The following DNM3 variants were observed in gnomAD, a reference collection of about 807,000 sequenced individuals.
The protein encoded by DNM3 is dynamin-3.
Under a neutral mutation model 101.6 loss-of-function variants are expected in DNM3, and 47 were observed. That is an observed-to-expected ratio of 0.46 (90% CI 0.37 to 0.59). The LOEUF is 0.59. Ranked by LOEUF, DNM3 falls within the 20% of genes least tolerant of loss-of-function variation. The probability of loss-of-function intolerance (pLI) is 0.00; values close to 1 mark genes in which losing one functional copy is unlikely to be tolerated. For synonymous variants in DNM3, 385 were observed against 387.9 expected (o/e 0.99, Z 0.09); for missense variants, 849 against 1,085.7 (o/e 0.78, Z 3.06).
At chr1:172,177,357 A>G (rs1371166922) in intron 14 of DNM3, among the ~76,000 whole-genome samples, 1 of 151,836 alleles carries the variant, frequency 6.6e-6, no homozygotes, top group Non-Finnish European at 1.5e-5. Context: ...TCAATCTCTT[A>G]CAGTGCCTAA....
At chr1:172,416,741 T>A (rs1387729063), downstream of DNM3, among the ~76,000 whole-genome samples, 1 of 152,134 alleles carries the variant, frequency 6.6e-6, no homozygotes, top group Non-Finnish European at 1.5e-5. Flanking sequence ...TCTGGGCAGG[T>A]GATAAATCTC....
At chr1:172,237,241 A>T (rs1197320044) in intron 14 of DNM3, among the ~76,000 whole-genome samples, 1 of 152,112 alleles carries the variant, frequency 6.6e-6, no homozygotes, top group Admixed American at 6.6e-5. Flanking sequence ...TTGTTCTCAT[A>T]AAGTTAGGTT....
At chr1:172,346,827 C>T (rs1489448987) in intron 17 of DNM3, among the ~76,000 whole-genome samples, 1 of 152,168 alleles carries the variant, frequency 6.6e-6, no homozygotes, top group Non-Finnish European at 1.5e-5. Flanking sequence ...GTGCCTCCAT[C>T]ATGGTGGCCA....
chr1:172,128,099 A>G (rs2056742526), intron 13 of DNM3, among the ~76,000 whole-genome samples: 1 of 152,158 alleles, frequency 6.6e-6, no homozygotes, highest in African/African-American at 2.4e-5. Context: ...TGTTTCTCTG[A>G]CATTCCTTTA....
intron 1 of DNM3, among the ~76,000 whole-genome samples, chr1:171,861,901 C>T (rs971060008): frequency 4.6e-5 from 7 of 152,174 alleles, no homozygotes; most frequent in African/African-American, 1.7e-4. Flanking sequence ...AATAAAAAGA[C>T]AAATAACCCA....
intron 2 of DNM3, among the ~76,000 whole-genome samples, chr1:171,982,433 T>G (rs2044873668): frequency 6.6e-6 from 1 of 152,106 alleles, no homozygotes; most frequent in Non-Finnish European, 1.5e-5. Flanking sequence ...AAAAGCCAGG[T>G]CAGCTTGTTT....
intron 2 of DNM3, among the ~76,000 whole-genome samples, chr1:171,966,545 AAG>A (rs751449818): frequency 6.6e-6 from 1 of 152,228 alleles, no homozygotes; most frequent in South Asian, 2.1e-4. Flanking sequence ...GCAAATCAGG[AAG>A]AGAGTCTCTG....
At chr1:172,306,672 C>A (rs1298225022) in intron 15 of DNM3, among the ~76,000 whole-genome samples, 1 of 152,072 alleles carries the variant, frequency 6.6e-6, no homozygotes, top group East Asian at 1.9e-4. Context: ...GTACTGGTAC[C>A]AAAACAGAGA....
chr1:172,292,720 T>C (rs2063981151), intron 15 of DNM3, among the ~76,000 whole-genome samples: 2 of 152,198 alleles, frequency 1.3e-5, no homozygotes, highest in Admixed American at 6.5e-5. Context: ...TAACCTAATA[T>C]GTGGTTTGTG....
chr1:172,152,541 A>G (rs191254872), intron 14 of DNM3, among the ~76,000 whole-genome samples: 1 of 152,240 alleles, frequency 6.6e-6, no homozygotes, highest in East Asian at 1.9e-4. Context: ...AGGTAATGTC[A>G]ACTGTAACTA....
intron 8 of DNM3, among the ~76,000 whole-genome samples, chr1:172,043,750 C>T (rs1042975035): frequency 6.6e-6 from 1 of 152,084 alleles, no homozygotes; most frequent in Non-Finnish European, 1.5e-5. Flanking sequence ...ACAATGAAGC[C>T]GGAGAGGCCA....
intron 14 of DNM3, among the ~76,000 whole-genome samples, chr1:172,180,302 C>T (rs1249747124): frequency 6.6e-6 from 1 of 152,032 alleles, no homozygotes; most frequent in Non-Finnish European, 1.5e-5. Flanking sequence ...TTATGGTTTA[C>T]CAATTTCACT....
chr1:172,271,654 A>T (rs1427358223), intron 15 of DNM3, among the ~76,000 whole-genome samples: 1 of 152,132 alleles, frequency 6.6e-6, no homozygotes, highest in Admixed American at 6.6e-5. Context: ...CTCGACAAGT[A>T]ATTGTTTCTT....
intron 13 of DNM3, among the ~76,000 whole-genome samples, chr1:172,107,601 T>G (rs2055157066): frequency 6.6e-6 from 1 of 152,204 alleles, no homozygotes; most frequent in African/African-American, 2.4e-5. Context: ...ACGAGATCTT[T>G]TGTTAGTGAT....
At chr1:172,195,591 A>G (rs1038399542) in intron 14 of DNM3, among the ~76,000 whole-genome samples, 1 of 151,748 alleles carries the variant, frequency 6.6e-6, no homozygotes, top group Non-Finnish European at 1.5e-5. Context: ...AAGTTGAAGA[A>G]GTTCCCTTCT....
chr1:171,871,863 TG>T (rs1359513844), intron 1 of DNM3, among the ~76,000 whole-genome samples: 2 of 101,118 alleles, frequency 2.0e-5, no homozygotes, highest in Non-Finnish European at 3.9e-5. Flanking sequence ...GTTGTTGTCT[TG>T]TTTTTTTTTT....
chr1:171,883,002 T>G (rs1244781353), intron 1 of DNM3, among the ~76,000 whole-genome samples: 1 of 151,710 alleles, frequency 6.6e-6, no homozygotes, highest in Non-Finnish European at 1.5e-5. Flanking sequence ...GTATAAAATA[T>G]GTATAGTGTA....
chr1:172,240,140 CTA>C (rs1321371828), intron 14 of DNM3, among the ~76,000 whole-genome samples: 1 of 152,112 alleles, frequency 6.6e-6, no homozygotes, highest in Non-Finnish European at 1.5e-5. Context: ...TTCAAAGAAA[CTA>C]TGTTCCTCTC....
chr1:171,941,226 A>G (rs2125409980), intron 2 of DNM3, among the ~76,000 whole-genome samples: 1 of 152,310 alleles, frequency 6.6e-6, no homozygotes, highest in African/African-American at 2.4e-5. Context: ...TCCAACAGGT[A>G]TGGTGAGCAT....
Sources: gnomAD v4.1 joint callset for allele counts (sites outside exome capture counted in the v4.1 genomes callset) on GRCh38, gnomAD v4.1.1 for gene constraint, MANE v1.5 for transcripts, NCBI Gene and HGNC (gene_info 2026-07-23, HGNC 2026-07-21) for gene names.